Variants in GASK1B observed in about 807,000 individuals in gnomAD.
GASK1B encodes golgi associated kinase 1B.
A neutral mutation model predicts 42.8 loss-of-function variants in GASK1B; 34 were observed. The ratio of observed to expected loss-of-function variants is 0.79; its 90% CI spans 0.60 to 1.06. The LOEUF (loss-of-function observed/expected upper bound fraction) is 1.06. GASK1B is among the 50% of genes least tolerant of loss of function. The pLI, the probability that GASK1B is intolerant of heterozygous loss-of-function variation, is 0.00. For synonymous variants in GASK1B, 262 were observed against 259.1 expected, an observed-to-expected ratio of 1.01 and a Z score of -0.11; for missense variants, 686 against 661.0, an observed-to-expected ratio of 1.04 and a Z score of -0.42.
At chr4:158,166,463 A>T (rs1732233851) in intron 2 of GASK1B, among the ~76,000 whole-genome samples, 1 of 152,216 alleles carries the variant, frequency 6.6e-6, no homozygotes, top group African/African-American at 2.4e-5. Context: ...AGATCATTCA[A>T]ATCACAGCAT....
chr4:158,148,256 C>A (rs1309638130), intron 3 of GASK1B, among the ~76,000 whole-genome samples: 2 of 152,114 alleles, frequency 1.3e-5, no homozygotes, highest in African/African-American at 2.4e-5. Context: ...CTCAATATCA[C>A]TCAAAATGAA....
intron 3 of GASK1B, among the ~76,000 whole-genome samples, chr4:158,143,335 A>C (rs1731206675): frequency 6.6e-6 from 1 of 152,192 alleles, no homozygotes; most frequent in South Asian, 2.1e-4. Flanking sequence ...ATAATTTTTT[A>C]ATGTTCTAAA....
In GASK1B at chr4:158,170,873, T is replaced by C. The variant is rs1311587884; in HGVS notation, c.503A>G (p.Gln168Arg). 6.2e-7 allele frequency: 1 copy of C among 1,614,116 alleles called. No homozygotes were observed. Among genetic ancestry groups the C allele is most frequent in the African/African-American group, 1.3e-5 (1 of 74,946 alleles). Residue 168 changes from glutamine (Q) to arginine (R), a missense_variant, in exon 2 of 5, where the codon CAG becomes CGG. Physicochemically the swap from Gln to Arg is conservative, Grantham distance 43 (BLOSUM62 1). Coordinates refer to ENST00000585682, the MANE Select transcript of GASK1B (RefSeq NM_001128424.2). ...EADAVAPGYA[Q>R]GANLVKIGER... ...TCCAATCTTAACCAGGTTTGCTCCC[T>C]GAGCGTACCCAGGTGCTACAGCATC... is the stretch of plus-strand genomic sequence containing the variant.
At chr4:158,157,196 C>A (rs1282787774) in intron 2 of GASK1B, among the ~76,000 whole-genome samples, 1 of 152,032 alleles carries the variant, frequency 6.6e-6, no homozygotes, top group African/African-American at 2.4e-5. Context: ...TTTAGCCTTG[C>A]AATGTAGGCC....
At chr4:158,170,219 G>A (rs376987062) in intron 2 of GASK1B, 1 of 1,608,940 alleles carries the variant, frequency 6.2e-7, no homozygotes, top group Non-Finnish European at 8.5e-7. Flanking sequence ...GGGAAATGGA[G>A]AGCAAAGATT....
Position 158,171,045 on chromosome 4 carries a change from G to A in GASK1B, c.331C>T (p.Leu111=). 6.2e-7 allele frequency: 1 copy of A among 1,613,862 alleles called. No individual in the cohort carries two copies. Among genetic ancestry groups the A allele is most frequent in the Non-Finnish European group, 8.5e-7 (1 of 1,179,786 alleles). The change falls in exon 2 of 5, where the codon CTA becomes TTA. Residue 111 remains leucine, a synonymous_variant. Transcript: ENST00000585682. ...TLQPNVVYIT[L]RSKRSKPANI... ...GCCGGCTTGCTGCGCTTGGAGCGTA[G>A]GGTAATGTACACCACATTGGGCTGC... is the stretch of plus-strand genomic sequence containing the variant.
At chr4:158,164,120 C>T (rs1732136152) in intron 2 of GASK1B, among the ~76,000 whole-genome samples, 1 of 152,198 alleles carries the variant, frequency 6.6e-6, no homozygotes, top group East Asian at 1.9e-4. Flanking sequence ...ACACTGAACT[C>T]ACACATGGCC....
intron 3 of GASK1B, among the ~76,000 whole-genome samples, chr4:158,139,519 A>G (rs779677939): frequency 2.6e-5 from 4 of 152,298 alleles, no homozygotes; most frequent in Middle Eastern, 3.4e-3. Context: ...AAGGGAGTTT[A>G]TTTCAGAAAA....
At chr4:158,153,437 A>G (rs1162212146) in intron 3 of GASK1B, among the ~76,000 whole-genome samples, 1 of 152,152 alleles carries the variant, frequency 6.6e-6, no homozygotes, top group African/African-American at 2.4e-5. Flanking sequence ...GCTAAAAGCA[A>G]TCTACAAATT....
At chr4:158,150,221 G>A (rs187414073) in intron 3 of GASK1B, among the ~76,000 whole-genome samples, 9 of 152,164 alleles carry the variant, frequency 5.9e-5, no homozygotes, top group African/African-American at 1.9e-4. Context: ...CACCGCGCTC[G>A]GCCTCTGCAT....
At chr4:158,148,137 C>T (rs192660512) in intron 3 of GASK1B, among the ~76,000 whole-genome samples, 67 of 152,164 alleles carry the variant, frequency 4.4e-4, no homozygotes, top group Non-Finnish European at 7.6e-4. Context: ...TCACTTGAGC[C>T]CAAGAGTCTG....
At chr4:158,160,141 G>A (rs1301980667) in intron 2 of GASK1B, among the ~76,000 whole-genome samples, 1 of 152,092 alleles carries the variant, frequency 6.6e-6, no homozygotes, top group African/African-American at 2.4e-5. Context: ...ACCCATTGAA[G>A]AAAACAAAAG....
At position 158,130,838 on chromosome 4, in the gene GASK1B, A is replaced by G; in HGVS notation, c.1300T>C (p.Phe434Leu). The G allele has an allele frequency of 6.2e-7, 1 of 1,613,846 alleles. No individual in the cohort carries two copies. The highest frequency in any genetic ancestry group is 8.5e-7 in the Non-Finnish European group (1 of 1,179,958). The stretch of plus-strand genomic sequence containing the variant: ...TTTAAGTTATCTTCACTCCTGTCAA[A>G]GAAACCCTTGTTGTCTATAAAAACC... ...HLVFIDNKGF[F>L]DRSEDNLNFK... The change falls in exon 4 of 5, where the codon TTT (phenylalanine) becomes CTT (leucine). Residue 434 changes from phenylalanine to leucine, a missense_variant. Physicochemically the swap from Phe to Leu is conservative, Grantham distance 22. Transcript: ENST00000585682.
In GASK1B at chr4:158,171,327, A is replaced by G; in HGVS notation, c.49T>C (p.Ser17Pro). ...PGQLINWFIC[S>P]LCVPRVRKLW... ...TTACGCACCCGCGGGACGCACAGGG[A>G]GCAGATGAACCAGTTTATGAGCTGC... is the stretch of plus-strand genomic sequence containing the variant. Residue 17 changes from serine (S) to proline (P), a missense_variant, in exon 2 of 5, where the codon TCC (serine) becomes CCC (proline). By Grantham distance (74) the Ser-to-Pro change is moderately conservative (BLOSUM62 -1). Coordinates refer to ENST00000585682, the MANE Select transcript of GASK1B (RefSeq NM_001128424.2). The G allele has an allele frequency of 6.2e-7, 1 of 1,611,206 alleles. No individual in the cohort carries two copies. The highest frequency in any genetic ancestry group is 8.5e-7 in the Non-Finnish European group (1 of 1,178,474).
At chr4:158,130,174 A>C (rs1730622968) in intron 4 of GASK1B, among the ~76,000 whole-genome samples, 1 of 152,162 alleles carries the variant, frequency 6.6e-6, no homozygotes, top group African/African-American at 2.4e-5. Flanking sequence ...ACTAGCCTCC[A>C]TAAGCCCTCT....
chr4:158,127,615 C>G lies in GASK1B; in HGVS notation c.1353-1G>C, dbSNP rs1206604112. 1 of 1,611,326 alleles carries G rather than the reference C, an allele frequency of 6.2e-7. No individual in the cohort carries two copies. Among genetic ancestry groups the G allele is most frequent in the Non-Finnish European group, 8.5e-7 (1 of 1,179,090 alleles). On this transcript the variant is annotated splice_acceptor_variant, in intron 4 of 4. Transcript: ENST00000585682. LOFTEE classifies it high-confidence loss of function. ...AACAGAAACTGCAGAAGCTGGAAAC[C>G]TGAAAAGATAAAATGATATTTCAAT...
At chr4:158,170,036 A>T in intron 2 of GASK1B, 1 of 598,168 alleles carries the variant, frequency 1.7e-6, no homozygotes, top group Non-Finnish European at 2.9e-6. Context: ...CTCAAGAACG[A>T]TAACCCGCTT....
chr4:158,141,602 T>A lies in GASK1B; in HGVS notation c.1126-10590A>T, dbSNP rs919574772. Among the ~76,000 whole-genome samples, 109 of 115,062 alleles carry A rather than the reference T, an allele frequency of 9.5e-4. 12 individuals carry two copies. The highest frequency in any genetic ancestry group is 4.1e-3 in the Middle Eastern group (1 of 244). 75.5% of individuals were successfully genotyped at this position (115,062 alleles called of 152,430 possible). The stretch of plus-strand genomic sequence containing the variant: ...GTCAGTGCCTTTGTATTTACCTTTT[T>A]TTTTTTTTTTTTTTTTTTTTTTGAG... On this transcript the variant is annotated intron_variant, in intron 3 of 4. Transcript: ENST00000585682.
rs1730511459 is a variant in GASK1B at position 158,127,595 on chromosome 4, A to C, written c.1372T>G (p.Ser458Ala). 4 of 1,613,026 alleles carry C rather than the reference A, an allele frequency of 2.5e-6. No individual in the cohort carries two copies. Among genetic ancestry groups the C allele is most frequent in the Non-Finnish European group, 3.4e-6 (4 of 1,179,612 alleles). Reference protein sequence around the residue: ...GIKEFPASAVSVLKSQHLRQK... With the variant: ...GIKEFPASAVAVLKSQHLRQK... Reference sequence around the variant, plus strand: ...CGTAAGTGCTGGCTCTTCAAAACAGAAACTGCAGAAGCTGGAAACCTGAAA... The same window carrying C: ...CGTAAGTGCTGGCTCTTCAAAACAGCAACTGCAGAAGCTGGAAACCTGAAA... Residue 458 changes from serine (S) to alanine (A), a missense_variant, in exon 5 of 5, where the codon TCT (serine) becomes GCT (alanine). Coordinates refer to ENST00000585682, the MANE Select transcript of GASK1B (RefSeq NM_001128424.2).
Sources: allele counts gnomAD v4.1 joint callset (sites outside exome capture counted in the v4.1 genomes callset), GRCh38; gene constraint gnomAD v4.1.1; transcripts MANE v1.5; gene names NCBI Gene and HGNC (gene_info 2026-07-23, HGNC 2026-07-21).